The following PBRM1 variants were observed in gnomAD, a reference collection of about 807,000 sequenced individuals.
PBRM1 encodes the protein protein polybromo-1.
In PBRM1, 27 loss-of-function variants were observed where a neutral mutation model predicts 194.5. The observed-to-expected ratio is 0.14, with a 90% confidence interval of 0.10 to 0.19. The LOEUF (loss-of-function observed/expected upper bound fraction) is 0.19, where lower values mean the gene tolerates loss of function less well. PBRM1 is among the 10% of genes least tolerant of loss of function. PBRM1 has a pLI of 1.00. For missense variants in PBRM1, 1,466 were observed against 2,077.2 expected (o/e 0.71, Z 5.72); for synonymous variants, 655 against 693.2 (o/e 0.94, Z 0.87).
chr3:52,587,255 A>G, intron 19 of PBRM1, 98 bp downstream of exon 21: 1 of 927,958 alleles, frequency 1.1e-6, no homozygotes, highest in Non-Finnish European at 1.7e-6. Context: ...ATAGCTTAAA[A>G]CAGAGTTCCT....
intron 2 of PBRM1, among the ~76,000 whole-genome samples, chr3:52,676,392 G>A (rs565926074): frequency 1.3e-5 from 2 of 152,280 alleles, no homozygotes; most frequent in South Asian, 4.1e-4. Context: ...CTATTCTCGT[G>A]ATAGTGATTA....
chr3:52,680,689 C>G (rs577753185), upstream of PBRM1, among the ~76,000 whole-genome samples: 2 of 151,960 alleles, frequency 1.3e-5, no homozygotes, highest in African/African-American at 4.8e-5. Context: ...GGTGGAGTCT[C>G]GCTCTGTCAC....
exon 29 of PBRM1, chr3:52,550,626 C>G (rs754399493): frequency 6.6e-7 from 1 of 1,522,586 alleles, no homozygotes; most frequent in Non-Finnish European, 8.8e-7. Flanking sequence ...CTGGAGGCCC[C>G]AAAACTCCCA....
chr3:52,572,736 G>A (rs1226957208), intron 22 of PBRM1, among the ~76,000 whole-genome samples: 4 of 152,072 alleles, frequency 2.6e-5, no homozygotes, highest in Admixed American at 2.0e-4. Flanking sequence ...GAACATAACC[G>A]TTGGAAAAAC....
chr3:52,668,796 A>G (rs1280256352), intron 2 of PBRM1, 151 bp from the exon 4 acceptor site: 15 of 433,382 alleles, frequency 3.5e-5, no homozygotes, highest in Non-Finnish European at 4.7e-5. Flanking sequence ...AAAAAAAAAA[A>G]AAAGAAAAAA....
chr3:52,594,342 T>C (rs914263065), intron 17 of PBRM1, among the ~76,000 whole-genome samples: 5 of 152,244 alleles, frequency 3.3e-5, no homozygotes, highest in Non-Finnish European at 7.3e-5. Flanking sequence ...CTTCTTTGTC[T>C]TTTTTGGTCT....
intron 20 of PBRM1, among the ~76,000 whole-genome samples, chr3:52,581,768 G>A (rs2091275985): frequency 6.6e-6 from 1 of 151,794 alleles, no homozygotes; most frequent in Non-Finnish European, 1.5e-5. Context: ...CTCCCGAGAA[G>A]CTGAGATTAC....
chr3:52,653,329 C>T (rs1222297134), intron 5 of PBRM1, among the ~76,000 whole-genome samples: 6 of 152,134 alleles, frequency 3.9e-5, no homozygotes, highest in South Asian at 2.1e-4. Flanking sequence ...GTGGCTCGCG[C>T]CTGTAATCCC....
At chr3:52,672,491 CTTTT>C (rs34792299) in intron 2 of PBRM1, among the ~76,000 whole-genome samples, 8 of 103,844 alleles carry the variant, frequency 7.7e-5, no homozygotes, top group African/African-American at 1.0e-4. Flanking sequence ...TTTTTTTTGG[CTTTT>C]TTTTTTTTTT....
chr3:52,570,507 T>C (rs2086704539), intron 22 of PBRM1, among the ~76,000 whole-genome samples: 2 of 152,132 alleles, frequency 1.3e-5, no homozygotes, highest in Admixed American at 6.5e-5. Flanking sequence ...AAATAGACAT[T>C]AGGAAAAAAT....
intron 21 of PBRM1, among the ~76,000 whole-genome samples, chr3:52,577,430 CAAAAAAAAAAA>C (rs71084193): frequency 1.5e-4 from 10 of 65,714 alleles, no homozygotes; most frequent in South Asian, 1.3e-3. Context: ...GACAATGTCT[CAAAAAAAAAAA>C]AAAAAAAAAA....
rs1175599522 is a variant in PBRM1 at position 52,609,693 on chromosome 3, G to A, written c.2187C>T (p.Val729=). 1 of 1,613,342 alleles carries A rather than the reference G, an allele frequency of 6.2e-7. No individual in the cohort carries two copies. The highest frequency in any genetic ancestry group is 1.3e-5 in the African/African-American group (1 of 75,008). Residue 729 remains valine (V), a synonymous_variant, in exon 16 of 30, where the codon GTC becomes GTT. Transcript: ENST00000296302. The surrounding 1 kb of genome is among the most constrained non-coding windows in gnomAD (Gnocchi z 4.1). Reference sequence around the variant, plus strand: ...ATGTACAGGCATTATTAAACATCATGACAAAGTCCTCAACCATAGAGTCAA... The same window carrying A: ...ATGTACAGGCATTATTAAACATCATAACAAAGTCCTCAACCATAGAGTCAA...
At chr3:52,567,067 C>CA (rs936466298) in intron 22 of PBRM1, among the ~76,000 whole-genome samples, 5,550 of 59,400 alleles carry the variant, frequency 0.093, 202 homozygotes, top group Admixed American at 0.14. Flanking sequence ...GACTCCATCT[C>CA]AAAAAAAAAA....
exon 10 of PBRM1, chr3:52,642,023 C>T (rs751210666): frequency 1.9e-6 from 3 of 1,582,512 alleles, no homozygotes; most frequent in Non-Finnish European, 2.6e-6. Context: ...GATAAACGAC[C>T]TCCTTGTACT....
At chr3:52,582,195 T>C (rs6762372) in intron 20 of PBRM1, among the ~76,000 whole-genome samples, 145,739 of 145,756 alleles carry the variant, frequency 1, 72,861 homozygotes, top group Middle Eastern at 1. Context: ...TGAGCTGAGA[T>C]TGCGCCACTG....
chr3:52,610,008 T>A, intron 15 of PBRM1, 53 bp from the exon 18 acceptor site: 1 of 1,119,610 alleles, frequency 8.9e-7, no homozygotes, highest in Non-Finnish European at 1.2e-6. Flanking sequence ...CCTAAATTTG[T>A]ATACAGATGG....
intron 4 of PBRM1, among the ~76,000 whole-genome samples, chr3:52,658,715 A>G (rs773162256): frequency 2.0e-5 from 3 of 152,136 alleles, no homozygotes; most frequent in Non-Finnish European, 4.4e-5. Context: ...TCTAAGCAGT[A>G]CTTATTTTAA....
Position 52,646,582 on chromosome 3 carries a change from A to G in PBRM1, c.813+1762T>C, listed in dbSNP as rs562189388. Among the ~76,000 whole-genome samples the G allele has an allele frequency of 2.0e-5, 3 of 152,224 alleles. No individual in the cohort carries two copies. In the South Asian group the frequency reaches 6.2e-4, roughly 32 times the overall value. ...GAGTGGAATAGAACCAAGAATCTAG[A>G]AATAAACCCATACATCTATGGTCAA... On this transcript the variant is annotated intron_variant, in intron 7 of 29. Coordinates refer to ENST00000296302, the Ensembl canonical transcript of PBRM1.
intron 17 of PBRM1, among the ~76,000 whole-genome samples, chr3:52,594,960 C>T (rs2093420159): frequency 6.6e-6 from 1 of 151,962 alleles, no homozygotes; most frequent in Admixed American, 6.5e-5. Flanking sequence ...TCTGGGCTTC[C>T]CTTTGAAGGT....
Sources: allele counts gnomAD v4.1 joint callset (sites outside exome capture counted in the v4.1 genomes callset), GRCh38; gene constraint gnomAD v4.1.1; non-coding constraint Gnocchi (gnomAD v3.1); transcripts MANE v1.5; gene names NCBI Gene and HGNC (gene_info 2026-07-23, HGNC 2026-07-21).